ARHGEF28: variants seen among roughly 807,000 people sequenced by gnomAD.
ARHGEF28 encodes the protein 190 kDa guanine nucleotide exchange factor.
In ARHGEF28, 152 loss-of-function variants were observed where a neutral mutation model predicts 206.6. The ratio of observed to expected loss-of-function variants is 0.74; its 90% CI spans 0.64 to 0.84. The LOEUF (loss-of-function observed/expected upper bound fraction) is 0.84, where lower values mean the gene tolerates loss of function less well. ARHGEF28 is among the 40% of genes least tolerant of loss of function. The pLI, the probability that ARHGEF28 is intolerant of heterozygous loss-of-function variation, is 0.00. For missense variants in ARHGEF28, 2,028 were observed against 2,073.2 expected (o/e 0.98, Z 0.42); for synonymous variants, 763 against 776.4 (o/e 0.98, Z 0.29).
intron 11 of ARHGEF28, among the ~76,000 whole-genome samples, chr5:73,841,979 T>G (rs896596291): frequency 6.6e-6 from 1 of 152,176 alleles, no homozygotes; most frequent in Non-Finnish European, 1.5e-5. Flanking sequence ...TACCTTATAT[T>G]TTCTTGCATA....
intron 1 of ARHGEF28, among the ~76,000 whole-genome samples, chr5:73,653,730 C>T (rs1744988246): frequency 1.3e-5 from 2 of 152,244 alleles, no homozygotes; most frequent in Admixed American, 1.3e-4. Flanking sequence ...CTGTGTTCAT[C>T]CATCAAAACT....
intron 33 of ARHGEF28, among the ~76,000 whole-genome samples, chr5:73,907,323 G>A (rs1338951146): frequency 1.3e-5 from 2 of 152,184 alleles, no homozygotes; most frequent in Non-Finnish European, 2.9e-5. Context: ...GCAGCCCTGT[G>A]TAGATTCAAG....
At chr5:73,717,883 T>TTG (rs1373317088) in intron 2 of ARHGEF28, among the ~76,000 whole-genome samples, 200 of 151,968 alleles carry the variant, frequency 1.3e-3, no homozygotes, top group African/African-American at 4.2e-3. Context: ...TTGTCTTTTT[T>TTG]TGTGTGTGTG....
intron 1 of ARHGEF28, among the ~76,000 whole-genome samples, chr5:73,646,043 G>A (rs573683003): frequency 5.2e-4 from 79 of 152,222 alleles, no homozygotes; most frequent in Non-Finnish European, 9.0e-4. Context: ...CCCAGTGTCT[G>A]AAACTGCACC....
intron 1 of ARHGEF28, among the ~76,000 whole-genome samples, chr5:73,670,672 G>T (rs1360720133): frequency 2.6e-5 from 4 of 152,022 alleles, no homozygotes; most frequent in African/African-American, 9.7e-5. Flanking sequence ...CACTTTTTTT[G>T]TGTGTTAGCC....
intron 1 of ARHGEF28, among the ~76,000 whole-genome samples, chr5:73,630,936 T>G (rs923053498): frequency 6.6e-6 from 1 of 152,246 alleles, no homozygotes; most frequent in Non-Finnish European, 1.5e-5. Context: ...GCTGTCACTC[T>G]TATTCCTTAT....
intron 14 of ARHGEF28, among the ~76,000 whole-genome samples, chr5:73,854,867 C>CA (rs1004328348): frequency 1.4e-5 from 2 of 148,110 alleles, no homozygotes; most frequent in South Asian, 2.1e-4. Flanking sequence ...ACAACAACAA[C>CA]AAAAAAACAC....
intron 9 of ARHGEF28, among the ~76,000 whole-genome samples, chr5:73,803,913 C>T (rs1425774359): frequency 1.3e-5 from 2 of 151,608 alleles, no homozygotes; most frequent in Non-Finnish European, 2.9e-5. Context: ...ATAGTGAGAC[C>T]CTGTCTCTAC....
intron 7 of ARHGEF28, among the ~76,000 whole-genome samples, chr5:73,790,098 G>A (rs569379337): frequency 2.6e-5 from 4 of 152,136 alleles, no homozygotes; most frequent in Non-Finnish European, 5.9e-5. Context: ...GGCTACTGTG[G>A]CTCCAAAATC....
chr5:73,644,712 A>G (rs538759216), intron 1 of ARHGEF28, among the ~76,000 whole-genome samples: 2 of 152,320 alleles, frequency 1.3e-5, no homozygotes, highest in South Asian at 4.2e-4. Flanking sequence ...CTCCCTGCAC[A>G]AACCTGGCTA....
chr5:73,916,644 C>A (rs1403266748), intron 35 of ARHGEF28, among the ~76,000 whole-genome samples: 1 of 152,128 alleles, frequency 6.6e-6, no homozygotes, highest in Non-Finnish European at 1.5e-5. Flanking sequence ...TAACTTTATT[C>A]TTTAAAGCTG....
Position 73,776,696 on chromosome 5 carries a change from G to C in ARHGEF28, c.840G>C (p.Lys280Asn), listed in dbSNP as rs373099369. The C allele has an allele frequency of 1.2e-6, 2 of 1,609,108 alleles. No homozygotes were observed. Among genetic ancestry groups the C allele is most frequent in the African/African-American group, 2.7e-5 (2 of 74,768 alleles). ...TTTGGGATAGAGCCTTTCTTGTCAA[G>C]GTTTGTACATAGTGATTCTAGCATG... The part of the protein sequence containing the change: ...KYFWDRAFLV[K>N]AFEPEARPEE... Residue 280 changes from lysine to asparagine, a missense_variant and splice_region_variant, in exon 6 of 36, where the codon AAG becomes AAC. Around this residue, in one of 3 missense-constraint regions of ARHGEF28, gnomAD observed 1,002 missense variants for 1,015.3 expected, o/e 0.99. Transcript: ENST00000513042.
chr5:73,853,129 CAA>C (rs1758804305), intron 14 of ARHGEF28, among the ~76,000 whole-genome samples: 1 of 152,194 alleles, frequency 6.6e-6, no homozygotes, highest in African/African-American at 2.4e-5. Flanking sequence ...CAGCTGGAAA[CAA>C]AGAATAAACA....
At chr5:73,715,016 C>G (rs1749493092) in intron 2 of ARHGEF28, among the ~76,000 whole-genome samples, 1 of 152,156 alleles carries the variant, frequency 6.6e-6, no homozygotes, top group Admixed American at 6.5e-5. Context: ...TATATTATCA[C>G]TCCTTAATAC....
At chr5:73,794,332 C>A in intron 7 of ARHGEF28, 70 bp from the exon 8 acceptor site, 1 of 1,251,728 alleles carries the variant, frequency 8.0e-7, no homozygotes. Context: ...TTACACTTGT[C>A]AGCTAGTAGT....
chr5:73,748,985 G>C (rs1751887402), intron 2 of ARHGEF28, among the ~76,000 whole-genome samples: 1 of 152,126 alleles, frequency 6.6e-6, no homozygotes, highest in South Asian at 2.1e-4. Flanking sequence ...ATACCCGAGA[G>C]CCCCAGCCTG....
intron 16 of ARHGEF28, among the ~76,000 whole-genome samples, chr5:73,861,012 TG>T (rs1254191896): frequency 6.6e-6 from 1 of 152,388 alleles, no homozygotes; most frequent in East Asian, 1.9e-4. Context: ...ACCTGCTCTT[TG>T]GAGGTCTTCC....
intron 26 of ARHGEF28, among the ~76,000 whole-genome samples, chr5:73,889,924 T>C (rs1220123241): frequency 6.6e-6 from 1 of 152,244 alleles, no homozygotes; most frequent in Non-Finnish European, 1.5e-5. Context: ...CCCAGAAATG[T>C]AAAGTTTTTA....
At chr5:73,874,681 T>C (rs940149700) in intron 22 of ARHGEF28, among the ~76,000 whole-genome samples, 1 of 150,808 alleles carries the variant, frequency 6.6e-6, no homozygotes, top group African/African-American at 2.4e-5. Flanking sequence ...TGGTTTTTTG[T>C]CCTTGCGATA....
Sources: allele counts gnomAD v4.1 joint callset (sites outside exome capture counted in the v4.1 genomes callset), GRCh38; gene constraint gnomAD v4.1.1; regional missense constraint gnomAD v4.1.1; transcripts MANE v1.5; gene names NCBI Gene and HGNC (gene_info 2026-07-23, HGNC 2026-07-21).